The following PDS5A variants were observed in gnomAD, a reference collection of about 807,000 sequenced individuals.
The protein encoded by PDS5A is PDS5 cohesin associated factor A, also known as sister chromatid cohesion protein PDS5 homolog A.
Under a neutral mutation model 167.1 loss-of-function variants are expected in PDS5A, and 42 were observed. That is an observed-to-expected ratio of 0.25 (90% CI 0.20 to 0.33). PDS5A has a LOEUF of 0.33. Ranked by LOEUF, PDS5A falls within the 10% of genes least tolerant of loss-of-function variation. The probability of loss-of-function intolerance (pLI) is 1.00; values close to 1 mark genes in which losing one functional copy is unlikely to be tolerated. For synonymous variants in PDS5A, 553 were observed against 554.6 expected (o/e 1.00, Z 0.04); for missense variants, 1,033 against 1,605.9 (o/e 0.64, Z 6.10).
chr4:39,863,226 G>T (rs577894497), intron 24 of PDS5A, 110 bp downstream of exon 24: 2 of 931,612 alleles, frequency 2.1e-6, no homozygotes, highest in East Asian at 2.6e-5. Flanking sequence ...GGTAATAATA[G>T]TAGTGACTTT....
chr4:39,939,144 G>T (rs1230194881), intron 2 of PDS5A, among the ~76,000 whole-genome samples: 1 of 152,084 alleles, frequency 6.6e-6, no homozygotes, highest in Non-Finnish European at 1.5e-5. Context: ...CAAGAGGATG[G>T]CTTGAGCCTA....
intron 2 of PDS5A, among the ~76,000 whole-genome samples, chr4:39,971,116 G>A (rs978823425): frequency 1.3e-5 from 2 of 150,170 alleles, no homozygotes; most frequent in Admixed American, 6.6e-5. Flanking sequence ...ACCAAACACC[G>A]CTGAATTCCT....
chr4:39,825,213 A>C lies in PDS5A; in HGVS notation c.*272T>G. ...GAACCAAGTGTTAAGCAATTTGCTT[A>C]ATTATTGACTTTTCGTAAGAAAAGT... On this transcript the variant is annotated 3_prime_UTR_variant, in exon 33 of 33. Transcript: ENST00000303538. 1 of 353,550 alleles carries C rather than the reference A, an allele frequency of 2.8e-6. No individual in the cohort carries two copies. Among genetic ancestry groups the C allele is most frequent in the Non-Finnish European group, 5.1e-6 (1 of 197,210 alleles). The allele number at this position is 353,550 out of a possible 1,614,324, so 21.9% of individuals were successfully genotyped here. A position where few individuals can be genotyped will look rare whatever the true frequency, so the allele number is the denominator to read the frequency against.
At chr4:39,850,781 T>C (rs1718058867) in intron 26 of PDS5A, among the ~76,000 whole-genome samples, 1 of 152,240 alleles carries the variant, frequency 6.6e-6, no homozygotes, top group African/African-American at 2.4e-5. Flanking sequence ...CATTTGAATT[T>C]CTAAGTAAAA....
chr4:39,901,987 CACAG>C (rs1459777947), intron 13 of PDS5A, among the ~76,000 whole-genome samples: 1 of 152,118 alleles, frequency 6.6e-6, no homozygotes, highest in East Asian at 1.9e-4. Flanking sequence ...GGCCATCTTA[CACAG>C]AGAAGATCTG....
intron 17 of PDS5A, among the ~76,000 whole-genome samples, chr4:39,881,137 AT>A (rs1720892474): frequency 6.6e-6 from 1 of 151,838 alleles, no homozygotes; most frequent in Non-Finnish European, 1.5e-5. Flanking sequence ...ACAGCATTTC[AT>A]TCTTTTTTTT....
At position 39,892,717 on chromosome 4, in the gene PDS5A, G is replaced by A. The variant is rs542073358; in HGVS notation, c.1771-2353C>T. ...GCTTGATCAAGAAAGAAGATATTTG[G>A]ACTTCTGAAGATATAATGCATATCC... On this transcript the variant is annotated intron_variant, in intron 16 of 32. Transcript: ENST00000303538. Among the ~76,000 whole-genome samples the A allele has an allele frequency of 9.2e-5, 14 of 152,332 alleles. No homozygotes were observed. In the East Asian group the frequency reaches 2.3e-3, roughly 25 times the overall value.
chr4:39,951,456 C>T (rs1053797127), intron 2 of PDS5A, among the ~76,000 whole-genome samples: 2 of 152,218 alleles, frequency 1.3e-5, no homozygotes, highest in Admixed American at 6.6e-5. Flanking sequence ...AAGGAAACTA[C>T]TGTTACTTGC....
At chr4:39,967,474 C>T (rs889509252) in intron 2 of PDS5A, among the ~76,000 whole-genome samples, 1 of 151,878 alleles carries the variant, frequency 6.6e-6, no homozygotes, top group African/African-American at 2.4e-5. Flanking sequence ...GGTGAAACCC[C>T]GTCTCTATTA....
intron 28 of PDS5A, chr4:39,848,348 T>A (rs927113600): frequency 1.3e-5 from 2 of 152,616 alleles, no homozygotes; most frequent in Non-Finnish European, 2.9e-5. Flanking sequence ...GGGAAACAGT[T>A]TGCTGAAAGC....
intron 31 of PDS5A, among the ~76,000 whole-genome samples, chr4:39,840,583 A>T (rs1448459033): frequency 6.6e-6 from 1 of 151,982 alleles, no homozygotes; most frequent in Non-Finnish European, 1.5e-5. Context: ...TTTAGTAGAG[A>T]CGAGTTTTCA....
intron 9 of PDS5A, among the ~76,000 whole-genome samples, chr4:39,912,299 A>G (rs890005613): frequency 1.6e-4 from 25 of 152,322 alleles, no homozygotes; most frequent in Non-Finnish European, 7.4e-5. Flanking sequence ...GGGTGATTTC[A>G]TTTTTAAAAG....
chr4:39,915,179 C>T (rs183850372), intron 8 of PDS5A, among the ~76,000 whole-genome samples: 1 of 151,692 alleles, frequency 6.6e-6, no homozygotes, highest in Non-Finnish European at 1.5e-5. Context: ...GCTGGACATA[C>T]AGGTGTGCAT....
chr4:39,922,239 G>C (rs1578748379), intron 6 of PDS5A, among the ~76,000 whole-genome samples: 1 of 152,240 alleles, frequency 6.6e-6, no homozygotes, highest in South Asian at 2.1e-4. Flanking sequence ...AAAAAGGTAC[G>C]ATACGGATTC....
chr4:39,890,070 T>C (rs1471410791), intron 17 of PDS5A, among the ~76,000 whole-genome samples, 179 bp downstream of exon 17: 1 of 152,216 alleles, frequency 6.6e-6, no homozygotes, highest in East Asian at 1.9e-4. Context: ...AAGCATTATA[T>C]AAAGCCAAAG....
chr4:39,829,112 G>C (rs187375115), intron 32 of PDS5A, among the ~76,000 whole-genome samples: 17 of 152,278 alleles, frequency 1.1e-4, no homozygotes, highest in Non-Finnish European at 2.2e-4. Flanking sequence ...TCTCAGGTTT[G>C]GCACCTCTAT....
chr4:39,945,293 C>G (rs369990151), intron 2 of PDS5A, among the ~76,000 whole-genome samples: 1 of 151,744 alleles, frequency 6.6e-6, no homozygotes, highest in African/African-American at 2.4e-5. Context: ...ACCCCCGTCT[C>G]TACTAAAAAT....
intron 11 of PDS5A, among the ~76,000 whole-genome samples, chr4:39,907,122 A>T (rs1322107251): frequency 6.6e-6 from 1 of 152,132 alleles, no homozygotes; most frequent in Non-Finnish European, 1.5e-5. Context: ...AACTATGAAA[A>T]AACTGTAATA....
At chr4:39,831,101 G>A (rs1715822341) in intron 32 of PDS5A, among the ~76,000 whole-genome samples, 1 of 150,658 alleles carries the variant, frequency 6.6e-6, no homozygotes, top group Non-Finnish European at 1.5e-5. Flanking sequence ...AGTTGTTTTT[G>A]TTTTTTGAGA....
Sources: allele counts gnomAD v4.1 joint callset (sites outside exome capture counted in the v4.1 genomes callset), GRCh38; gene constraint gnomAD v4.1.1; transcripts MANE v1.5; gene names NCBI Gene and HGNC (gene_info 2026-07-23, HGNC 2026-07-21).